Variants in GALNT14 observed in about 807,000 individuals in gnomAD.
GALNT14 encodes polypeptide N-acetylgalactosaminyltransferase 14.
GALNT14 carries 60 observed loss-of-function variants against 77.5 expected under a neutral mutation model. The ratio of observed to expected loss-of-function variants is 0.77; its 90% CI spans 0.63 to 0.96. The LOEUF (loss-of-function observed/expected upper bound fraction) is 0.96, where lower values mean the gene tolerates loss of function less well. GALNT14 is among the 40% of genes least tolerant of loss of function. The pLI is 0.00. For synonymous variants in GALNT14, 280 were observed against 281.7 expected (o/e 0.99, Z 0.06); for missense variants, 710 against 731.0 (o/e 0.97, Z 0.33).
the GALNT14 span, among the ~76,000 whole-genome samples, chr2:30,903,499 G>A: frequency 1.3e-5 from 2 of 152,256 alleles, no homozygotes; most frequent in Middle Eastern, 3.2e-3. Context: ...GGTGAAGCAA[G>A]CAGTGATGCT....
At chr2:31,111,625 C>A (rs1485690683) in intron 1 of GALNT14, among the ~76,000 whole-genome samples, 3 of 152,200 alleles carry the variant, frequency 2.0e-5, no homozygotes, top group Non-Finnish European at 4.4e-5. Context: ...TGAACCCACC[C>A]TTATAGGGAG....
chr2:31,125,210 G>C, intron 1 of GALNT14: 1 of 1,550,536 alleles, frequency 6.4e-7, no homozygotes, highest in Non-Finnish European at 8.7e-7. Context: ...CACCTGAGGC[G>C]CCCAAGGGCT....
At chr2:31,044,956 A>T (rs1673343121) in intron 1 of GALNT14, among the ~76,000 whole-genome samples, 1 of 152,018 alleles carries the variant, frequency 6.6e-6, no homozygotes, top group South Asian at 2.1e-4. Flanking sequence ...TCCGTCAGGC[A>T]TGGGGAATTC....
chr2:31,047,226 T>C (rs909160534), intron 1 of GALNT14, among the ~76,000 whole-genome samples: 12 of 152,080 alleles, frequency 7.9e-5, no homozygotes, highest in African/African-American at 2.7e-4. Context: ...CCTGCCCCCA[T>C]TCCCAATCAG....
chr2:31,033,543 A>G (rs1672538663), intron 1 of GALNT14, among the ~76,000 whole-genome samples: 1 of 152,106 alleles, frequency 6.6e-6, no homozygotes, highest in African/African-American at 2.4e-5. Context: ...TCCTGTGTGT[A>G]GTTAACACAT....
At chr2:31,019,562 A>G (rs533615858) in intron 1 of GALNT14, among the ~76,000 whole-genome samples, 61 of 152,288 alleles carry the variant, frequency 4.0e-4, no homozygotes, top group African/African-American at 1.4e-3. Flanking sequence ...CCAGTCCTGC[A>G]CTCAAGGAGC....
At chr2:30,951,236 T>C (rs934198390) in intron 6 of GALNT14, among the ~76,000 whole-genome samples, 10 of 152,188 alleles carry the variant, frequency 6.6e-5, no homozygotes. Flanking sequence ...GCCATGAAAA[T>C]GAATGCCAAT....
At chr2:31,058,709 G>A (rs926568504) in intron 1 of GALNT14, among the ~76,000 whole-genome samples, 5 of 152,160 alleles carry the variant, frequency 3.3e-5, no homozygotes, top group African/African-American at 1.2e-4. Context: ...TCTGGCACAT[G>A]CACAGACCTT....
intron 1 of GALNT14, among the ~76,000 whole-genome samples, chr2:31,038,086 T>TATATATATATATATATATATA (rs1558514656): frequency 2.8e-5 from 1 of 35,906 alleles, no homozygotes; most frequent in Non-Finnish European, 4.6e-5. Flanking sequence ...ATATATATAT[T>TATATATATATATATATATATA]TTTTTTTTTT....
intron 2 of GALNT14, among the ~76,000 whole-genome samples, chr2:30,971,237 C>G (rs919078167): frequency 2.0e-5 from 3 of 151,994 alleles, no homozygotes; most frequent in African/African-American, 4.8e-5. Flanking sequence ...ATTAGGGGCA[C>G]GAGGGAATGG....
At chr2:30,945,429 G>A (rs1252554699) in intron 7 of GALNT14, among the ~76,000 whole-genome samples, 1 of 152,208 alleles carries the variant, frequency 6.6e-6, no homozygotes, top group East Asian at 1.9e-4. Flanking sequence ...CCCTACTCCT[G>A]TTAACAGAAT....
downstream of GALNT14, among the ~76,000 whole-genome samples, chr2:30,907,164 A>G (rs993088114): frequency 1.3e-5 from 2 of 152,024 alleles, no homozygotes; most frequent in South Asian, 4.1e-4. Flanking sequence ...AAAAGCAAGA[A>G]CAAACACATT....
chr2:30,901,250 G>A, the GALNT14 span, among the ~76,000 whole-genome samples: 1 of 152,078 alleles, frequency 6.6e-6, no homozygotes, highest in East Asian at 1.9e-4. Context: ...AGTACAGAAG[G>A]AAACTGTGAG....
chr2:31,016,954 G>A (rs1381364104), intron 1 of GALNT14, among the ~76,000 whole-genome samples: 5 of 152,092 alleles, frequency 3.3e-5, no homozygotes, highest in Non-Finnish European at 7.4e-5. Flanking sequence ...AACATACCAC[G>A]CTCTGTGCTG....
At chr2:31,125,160 G>C (rs1375603136) in intron 1 of GALNT14, 4 of 1,549,416 alleles carry the variant, frequency 2.6e-6, no homozygotes, top group Non-Finnish European at 3.5e-6. Context: ...CTACCTGTAG[G>C]AAGATGCCCT....
intron 9 of GALNT14, among the ~76,000 whole-genome samples, chr2:30,934,229 C>T (rs1665919433): frequency 6.6e-6 from 1 of 152,144 alleles, no homozygotes; most frequent in Non-Finnish European, 1.5e-5. Flanking sequence ...CCCCATCTTG[C>T]AGTAGCACAT....
At chr2:30,955,498 G>C in intron 6 of GALNT14, 120 bp downstream of exon 6, 1 of 1,351,270 alleles carries the variant, frequency 7.4e-7, no homozygotes, top group South Asian at 1.4e-5. Context: ...TCGGGACTGC[G>C]ATCTGTTCTG....
At chr2:30,997,444 G>A (rs943741813) in intron 1 of GALNT14, among the ~76,000 whole-genome samples, 7 of 152,132 alleles carry the variant, frequency 4.6e-5, no homozygotes, top group African/African-American at 1.7e-4. Flanking sequence ...GAACACACAT[G>A]CTCACCTTCC....
At chr2:31,016,483 C>T (rs1288750309) in intron 1 of GALNT14, among the ~76,000 whole-genome samples, 3 of 152,088 alleles carry the variant, frequency 2.0e-5, no homozygotes. Context: ...AACAGAATCC[C>T]AGAGAAGCTG....
Sources: gnomAD v4.1 joint callset for allele counts (sites outside exome capture counted in the v4.1 genomes callset) on GRCh38, gnomAD v4.1.1 for gene constraint, MANE v1.5 for transcripts, NCBI Gene and HGNC (gene_info 2026-07-23, HGNC 2026-07-21) for gene names.